Variants in DLGAP1 observed in about 807,000 individuals in gnomAD.
DLGAP1 encodes the protein disks large-associated protein 1.
DLGAP1 carries 11 observed loss-of-function variants against 90.8 expected under a neutral mutation model. That is an observed-to-expected ratio of 0.12 (90% CI 0.08 to 0.20). The LOEUF is 0.20. Ranked by LOEUF, DLGAP1 falls within the 10% of genes least tolerant of loss-of-function variation. The pLI is 1.00. For synonymous variants in DLGAP1, 558 were observed against 540.7 expected (o/e 1.03, Z -0.44); for missense variants, 1,050 against 1,333.8 (o/e 0.79, Z 3.31).
chr18:4,305,087 TCC>T (rs2080216798), intron 1 of DLGAP1, among the ~76,000 whole-genome samples: 1 of 152,174 alleles, frequency 6.6e-6, no homozygotes, highest in African/African-American at 2.4e-5. Context: ...ATATTTTTGT[TCC>T]TATCATGTGC....
At chr18:3,593,163 C>T (rs951623345) in intron 7 of DLGAP1, among the ~76,000 whole-genome samples, 7 of 152,232 alleles carry the variant, frequency 4.6e-5, no homozygotes, top group Admixed American at 3.3e-4. Flanking sequence ...AACACCTTGT[C>T]CACTAAAGCA....
At chr18:4,234,792 C>T (rs1211964941) in intron 1 of DLGAP1, among the ~76,000 whole-genome samples, 2 of 152,106 alleles carry the variant, frequency 1.3e-5, no homozygotes, top group Non-Finnish European at 2.9e-5. Flanking sequence ...TTTCAACTCA[C>T]GGCAATTTGG....
rs772520532 is a variant in DLGAP1 at position 4,114,569 on chromosome 18, ACTT to A, written c.-159+36608_-159+36610del. Reference sequence around the variant, plus strand: ...ATCGTCAGTGAAGAGAGATAGTTTGACTTCTTCTTTTCCTATTTAGATGTCTTT... The same window carrying A: ...ATCGTCAGTGAAGAGAGATAGTTTGACTTCTTTTCCTATTTAGATGTCTTT... On this transcript the variant is annotated intron_variant, in intron 2 of 12. Coordinates refer to ENST00000315677, the MANE Select transcript of DLGAP1 (RefSeq NM_004746.4). 3.1e-4 allele frequency among the ~76,000 whole-genome samples: 47 copies of A among 151,816 alleles called. 1 individual carries two copies. The highest frequency in any genetic ancestry group is 3.2e-4 in the Non-Finnish European group (22 of 67,920).
chr18:4,293,983 G>A (rs775431261), intron 1 of DLGAP1: 2 of 152,014 alleles, frequency 1.3e-5, no homozygotes, highest in Non-Finnish European at 2.9e-5. Context: ...CAAACTATAC[G>A]TAAATCAGTG....
chr18:3,620,247 G>A (rs540714845), intron 7 of DLGAP1, among the ~76,000 whole-genome samples: 9 of 152,236 alleles, frequency 5.9e-5, no homozygotes, highest in Admixed American at 5.2e-4. Flanking sequence ...GTGTGCGAGA[G>A]AGGAGCAGAG....
intron 5 of DLGAP1, among the ~76,000 whole-genome samples, chr18:3,782,135 C>G (rs982387226): frequency 6.6e-6 from 1 of 151,162 alleles, no homozygotes; most frequent in Admixed American, 6.6e-5. Flanking sequence ...CACTTTTGCT[C>G]TAAGATTTTT....
chr18:3,700,842 C>T (rs2061257577), intron 7 of DLGAP1, among the ~76,000 whole-genome samples: 1 of 151,916 alleles, frequency 6.6e-6, no homozygotes, highest in Non-Finnish European at 1.5e-5. Context: ...GTCTCTTGAC[C>T]TCATGATCCG....
chr18:4,199,998 T>C (rs1033595231), intron 1 of DLGAP1, among the ~76,000 whole-genome samples: 1 of 152,216 alleles, frequency 6.6e-6, no homozygotes. Context: ...CTTAGTATTA[T>C]GGATGTATTT....
chr18:3,532,000 G>A (rs778053827), intron 10 of DLGAP1, among the ~76,000 whole-genome samples: 2 of 151,882 alleles, frequency 1.3e-5, no homozygotes, highest in African/African-American at 2.4e-5. Flanking sequence ...GATTACAGGC[G>A]TGTGCCATTG....
At chr18:4,374,354 A>C (rs928060948) in intron 1 of DLGAP1, among the ~76,000 whole-genome samples, 6 of 152,180 alleles carry the variant, frequency 3.9e-5, no homozygotes, top group African/African-American at 1.4e-4. Flanking sequence ...ATTTTTTAAA[A>C]ATGCAAAAAC....
At chr18:3,749,644 C>T (rs2063420882) in intron 5 of DLGAP1, among the ~76,000 whole-genome samples, 1 of 152,140 alleles carries the variant, frequency 6.6e-6, no homozygotes, top group African/African-American at 2.4e-5. Flanking sequence ...GCTAATCACT[C>T]CCAAATCTAT....
intron 2 of DLGAP1, among the ~76,000 whole-genome samples, chr18:4,056,708 C>A (rs2075222112): frequency 6.6e-6 from 1 of 151,914 alleles, no homozygotes; most frequent in East Asian, 1.9e-4. Context: ...AGGTTAAGAC[C>A]CTAGGAGCCA....
chr18:3,531,909 G>T (rs2052031238), intron 10 of DLGAP1, among the ~76,000 whole-genome samples: 1 of 152,148 alleles, frequency 6.6e-6, no homozygotes, highest in East Asian at 1.9e-4. Context: ...AGGCTAGAGT[G>T]CAGTGGCACA....
intron 2 of DLGAP1, among the ~76,000 whole-genome samples, chr18:4,078,594 T>TA (rs1209153721): frequency 6.6e-6 from 1 of 152,180 alleles, no homozygotes; most frequent in Admixed American, 6.5e-5. Flanking sequence ...ATTGTTTAGA[T>TA]AAAAAATGAA....
intron 8 of DLGAP1, among the ~76,000 whole-genome samples, chr18:3,568,651 T>TTA (rs2054571910): frequency 1.3e-5 from 2 of 152,066 alleles, no homozygotes; most frequent in Non-Finnish European, 1.5e-5. Context: ...TTGTCTATCT[T>TTA]TATATATATG....
At chr18:3,536,934 CAA>C (rs1025427194) in intron 9 of DLGAP1, among the ~76,000 whole-genome samples, 1 of 151,974 alleles carries the variant, frequency 6.6e-6, no homozygotes, top group Non-Finnish European at 1.5e-5. Context: ...TTAAGACATA[CAA>C]AAAGAGCTTT....
intron 1 of DLGAP1, among the ~76,000 whole-genome samples, chr18:4,250,183 T>G (rs561243914): frequency 1.3e-5 from 2 of 152,174 alleles, no homozygotes; most frequent in Non-Finnish European, 2.9e-5. Flanking sequence ...TACTTTCTCT[T>G]CCTTGGGCTC....
chr18:3,604,449 C>T (rs113310134), intron 7 of DLGAP1: 6 of 48,810 alleles, frequency 1.2e-4, no homozygotes, highest in South Asian at 1.0e-3. Flanking sequence ...TACAAACACA[C>T]GCACACGCAC....
intron 10 of DLGAP1, among the ~76,000 whole-genome samples, chr18:3,509,463 G>A (rs2050418481): frequency 6.6e-6 from 1 of 152,216 alleles, no homozygotes; most frequent in South Asian, 2.1e-4. Context: ...GCTTTCCGCT[G>A]AGCAATGCCC....
Sources: gnomAD v4.1 joint callset for allele counts (sites outside exome capture counted in the v4.1 genomes callset) on GRCh38, gnomAD v4.1.1 for gene constraint, MANE v1.5 for transcripts, NCBI Gene and HGNC (gene_info 2026-07-23, HGNC 2026-07-21) for gene names.